LUZP2: variants seen among roughly 807,000 people sequenced by gnomAD.
LUZP2 encodes leucine zipper protein 2.
Under a neutral mutation model 51.6 loss-of-function variants are expected in LUZP2, and 52 were observed. That is an observed-to-expected ratio of 1.01 (90% CI 0.81 to 1.27). The LOEUF (loss-of-function observed/expected upper bound fraction) is 1.27, where lower values mean the gene tolerates loss of function less well. LUZP2 is among the 50% of genes most tolerant of loss of function. LUZP2 has a pLI of 0.00. For missense variants in LUZP2, 436 were observed against 395.4 expected (o/e 1.10, Z -0.87); for synonymous variants, 154 against 137.3 (o/e 1.12, Z -0.85).
chr11:24,893,165 A>T (rs1437063900), intron 5 of LUZP2: 1 of 152,210 alleles, frequency 6.6e-6, no homozygotes, highest in Non-Finnish European at 1.5e-5. Context: ...CAGCAATAAC[A>T]TAATACTCAT....
chr11:24,575,920 G>T (rs1852630953), intron 1 of LUZP2, among the ~76,000 whole-genome samples: 1 of 151,854 alleles, frequency 6.6e-6, no homozygotes, highest in Non-Finnish European at 1.5e-5. Flanking sequence ...TACTCTAGAA[G>T]TTGGAGATTT....
chr11:24,860,809 G>C (rs1851719431), intron 5 of LUZP2, among the ~76,000 whole-genome samples: 1 of 152,078 alleles, frequency 6.6e-6, no homozygotes, highest in African/African-American at 2.4e-5. Context: ...AGGGTCAGCA[G>C]CCTCAAAGAC....
intron 5 of LUZP2, among the ~76,000 whole-genome samples, chr11:24,890,500 C>T (rs1178903480): frequency 1.3e-5 from 2 of 152,160 alleles, no homozygotes; most frequent in African/African-American, 4.8e-5. Flanking sequence ...GACTGACTAG[C>T]AGTCATTGAC....
chr11:24,605,195 T>G (rs1023689725), intron 1 of LUZP2, among the ~76,000 whole-genome samples: 1 of 151,838 alleles, frequency 6.6e-6, no homozygotes, highest in African/African-American at 2.4e-5. Context: ...GGCATCAGTG[T>G]TTTAGGACCA....
chr11:24,646,545 C>A, intron 1 of LUZP2: 3 of 975,132 alleles, frequency 3.1e-6, no homozygotes, highest in Non-Finnish European at 3.7e-6. Context: ...CTCTTGATTG[C>A]AAGATGACTG....
At chr11:24,747,220 C>A (rs1407300192) in intron 4 of LUZP2, among the ~76,000 whole-genome samples, 1 of 152,150 alleles carries the variant, frequency 6.6e-6, no homozygotes. Flanking sequence ...TGTTCAGATT[C>A]TTTTGTCCCA....
intron 1 of LUZP2, among the ~76,000 whole-genome samples, chr11:24,674,513 T>C (rs1856487445): frequency 6.6e-6 from 1 of 152,158 alleles, no homozygotes; most frequent in African/African-American, 2.4e-5. Context: ...CTAAAGTAAA[T>C]GGGAAGTCAT....
intron 9 of LUZP2, among the ~76,000 whole-genome samples, chr11:25,015,351 A>G (rs1857119367): frequency 6.6e-6 from 1 of 152,244 alleles, no homozygotes; most frequent in Non-Finnish European, 1.5e-5. Flanking sequence ...ATATCAAAAC[A>G]AAGAAGTTAG....
At chr11:24,882,025 G>C (rs1852485837) in intron 5 of LUZP2, among the ~76,000 whole-genome samples, 1 of 151,760 alleles carries the variant, frequency 6.6e-6, no homozygotes, top group South Asian at 2.1e-4. Flanking sequence ...CTATGAATCT[G>C]CTCTTTTAGG....
chr11:24,943,346 AT>A (rs1201865761), intron 7 of LUZP2, among the ~76,000 whole-genome samples: 1 of 151,414 alleles, frequency 6.6e-6, no homozygotes, highest in African/African-American at 2.4e-5. Flanking sequence ...TCTGTTTTTT[AT>A]TTTTTTTCCC....
At chr11:24,985,413 C>A (rs1033471968) in intron 9 of LUZP2, among the ~76,000 whole-genome samples, 3 of 151,390 alleles carry the variant, frequency 2.0e-5, no homozygotes, top group African/African-American at 4.8e-5. Flanking sequence ...AATATTCTTT[C>A]GAATATATAA....
intron 4 of LUZP2, among the ~76,000 whole-genome samples, chr11:24,749,648 A>C (rs143059587): frequency 1.0e-3 from 153 of 152,254 alleles, no homozygotes; most frequent in African/African-American, 3.5e-3. Context: ...AGTGATTTCA[A>C]AATTATTTTT....
chr11:24,958,119 A>G (rs1474476847), intron 7 of LUZP2, among the ~76,000 whole-genome samples: 9 of 152,176 alleles, frequency 5.9e-5, no homozygotes, highest in Non-Finnish European at 1.3e-4. Flanking sequence ...TCCATGGTGT[A>G]TATGTGCCAC....
intron 1 of LUZP2, among the ~76,000 whole-genome samples, chr11:24,648,594 A>G (rs981048): frequency 0.95 from 145,102 of 151,972 alleles, 69,628 homozygotes; most frequent in East Asian, 1. Context: ...CAAAGTACAA[A>G]TGGAACCATA....
rs905735309 is a variant in LUZP2 at position 24,886,301 on chromosome 11, T to A, written c.397-19690T>A. Among the ~76,000 whole-genome samples the A allele has an allele frequency of 2.0e-5, 3 of 152,318 alleles. No homozygotes were observed. The South Asian group carries it at 6.2e-4, about 32-fold the overall frequency. On this transcript the variant is annotated intron_variant, in intron 5 of 11. Transcript: ENST00000336930. Reference sequence around the variant, plus strand: ...ATATTTTAGTCTTTGACCAAAGGTATTTCACTTGTCAAAAGCTCTGAATGT... The same window carrying A: ...ATATTTTAGTCTTTGACCAAAGGTAATTCACTTGTCAAAAGCTCTGAATGT...
chr11:24,799,931 T>A (rs1462608202), intron 5 of LUZP2, among the ~76,000 whole-genome samples: 1 of 152,204 alleles, frequency 6.6e-6, no homozygotes, highest in Non-Finnish European at 1.5e-5. Flanking sequence ...GATTGATTGC[T>A]GCAATAAATG....
chr11:24,773,317 G>C (rs1848805917), intron 5 of LUZP2, among the ~76,000 whole-genome samples: 1 of 151,964 alleles, frequency 6.6e-6, no homozygotes, highest in Non-Finnish European at 1.5e-5. Flanking sequence ...GAAATGTAAA[G>C]AACATTTAAT....
chr11:24,551,813 C>A (rs1024705416), intron 1 of LUZP2, among the ~76,000 whole-genome samples: 3 of 151,852 alleles, frequency 2.0e-5, no homozygotes, highest in Admixed American at 6.6e-5. Context: ...CAAAAACATG[C>A]AATACTAGAA....
At chr11:24,630,975 C>G (rs1431515810) in intron 1 of LUZP2, among the ~76,000 whole-genome samples, 1 of 151,798 alleles carries the variant, frequency 6.6e-6, no homozygotes, top group African/African-American at 2.4e-5. Flanking sequence ...GAATTGCCTT[C>G]TTGATTTCAT....
Sources: gnomAD v4.1 joint callset for allele counts (sites outside exome capture counted in the v4.1 genomes callset) on GRCh38, gnomAD v4.1.1 for gene constraint, MANE v1.5 for transcripts, NCBI Gene and HGNC (gene_info 2026-07-23, HGNC 2026-07-21) for gene names.